GTF2I: variants seen among roughly 807,000 people sequenced by gnomAD.
The protein encoded by GTF2I is general transcription factor II-I.
GTF2I carries 12 observed loss-of-function variants against 67.6 expected under a neutral mutation model. The ratio of observed to expected loss-of-function variants is 0.18; its 90% CI spans 0.11 to 0.29. GTF2I has a LOEUF of 0.29. Ranked by LOEUF, GTF2I falls within the 10% of genes least tolerant of loss-of-function variation. GTF2I has a pLI of 1.00. For missense variants in GTF2I, 271 were observed against 580.1 expected (o/e 0.47, Z 5.47); for synonymous variants, 149 against 197.0 (o/e 0.76, Z 2.04).
intron 1 of GTF2I, among the ~76,000 whole-genome samples, chr7:74,687,099 C>T (rs1554395703): frequency 3.9e-5 from 6 of 152,022 alleles, no homozygotes; most frequent in Non-Finnish European, 7.4e-5. Flanking sequence ...CCACATTGCC[C>T]AGGATGGTCT....
chr7:74,727,924 CTG>C (rs1239084623), intron 12 of GTF2I: 4 of 152,286 alleles, frequency 2.6e-5, no homozygotes, highest in Admixed American at 6.5e-5. Flanking sequence ...TACACAGCCT[CTG>C]TGCTGACTGA....
intron 1 of GTF2I, chr7:74,688,803 C>T (rs964446564): frequency 7.1e-5 from 18 of 251,964 alleles, no homozygotes; most frequent in Middle Eastern, 1.5e-3. Context: ...TGTGGTTGCC[C>T]GTCACTGGGC....
Position 74,667,718 on chromosome 7 carries a change from A to G in GTF2I, c.-6+9650A>G, listed in dbSNP as rs587600987. On this transcript the variant is annotated intron_variant, in intron 1 of 34. Coordinates refer to ENST00000573035, the MANE Select transcript of GTF2I (RefSeq NM_032999.4). ...TTTTTGTGGAGATGGGGGTCTCACT[A>G]TGTTGCCCAGGCTGGTCTCCAACTC... 5.7e-4 allele frequency among the ~76,000 whole-genome samples: 85 copies of G among 150,340 alleles called. 1 individual carries two copies. Among genetic ancestry groups the G allele is most frequent in the Non-Finnish European group, 1.2e-3 (78 of 67,694 alleles).
At chr7:74,674,034 T>G (rs781799732) in intron 1 of GTF2I, among the ~76,000 whole-genome samples, 1 of 150,416 alleles carries the variant, frequency 6.6e-6, no homozygotes, top group Non-Finnish European at 1.5e-5. Flanking sequence ...GCAGGTAAAA[T>G]GTACAACTAA....
intron 9 of GTF2I, among the ~76,000 whole-genome samples, chr7:74,711,949 CTTTTT>C (rs587731254): frequency 7.5e-6 from 1 of 134,132 alleles, no homozygotes. Context: ...TCATTTCTCT[CTTTTT>C]TTTTTTTTTT....
chr7:74,733,622 C>A (rs1794664661), intron 15 of GTF2I: 1 of 143,244 alleles, frequency 7.0e-6, no homozygotes, highest in Non-Finnish European at 1.5e-5. Flanking sequence ...AAAAATTGAC[C>A]AGGTGTGGTG....
intron 3 of GTF2I, among the ~76,000 whole-genome samples, 155 bp downstream of exon 3, chr7:74,691,266 G>A (rs1468636415): frequency 6.6e-6 from 1 of 150,692 alleles, no homozygotes; most frequent in African/African-American, 2.4e-5. Context: ...GAGTGCAGTG[G>A]CACACTCTTG....
intron 6 of GTF2I, among the ~76,000 whole-genome samples, chr7:74,702,189 G>T (rs1246044286): frequency 1.3e-5 from 2 of 152,048 alleles, no homozygotes; most frequent in Non-Finnish European, 2.9e-5. Context: ...ATTTACGTAG[G>T]AGTGCAATTA....
At chr7:74,720,530 C>T (rs184378883) in intron 12 of GTF2I, among the ~76,000 whole-genome samples, 152,126 of 152,300 alleles carry the variant, frequency 1, 75,977 homozygotes, top group East Asian at 1. Context: ...GTTTACAGTC[C>T]AGCATTAAAT....
chr7:74,682,577 T>G (rs1256029068), intron 1 of GTF2I, among the ~76,000 whole-genome samples: 2 of 152,158 alleles, frequency 1.3e-5, no homozygotes, highest in Non-Finnish European at 2.9e-5. Flanking sequence ...TCTAGGCAGG[T>G]GTTGTCTCTT....
Position 74,714,737 on chromosome 7 carries a change from T to C in GTF2I, c.764-120T>C, listed in dbSNP as rs1792041860. On this transcript the variant is annotated intron_variant, in intron 9 of 34. Coordinates refer to ENST00000573035, the MANE Select transcript of GTF2I (RefSeq NM_032999.4). ...TGTCAGTCTTTTTTTTTTTTAATTT[T>C]TTTCTTTTTATTTATAAAAAGGCCA... is the stretch of plus-strand genomic sequence containing the variant. 1.9e-5 allele frequency: 11 copies of C among 580,350 alleles called. No individual in the cohort carries two copies. In the South Asian group the frequency reaches 2.6e-4, roughly 14 times the overall value. The allele number at this position is 580,350 out of a possible 1,614,324, so 36.0% of individuals were successfully genotyped here.
chr7:74,669,550 T>G (rs1431671011), intron 1 of GTF2I, among the ~76,000 whole-genome samples: 1 of 151,584 alleles, frequency 6.6e-6, no homozygotes, highest in Non-Finnish European at 1.5e-5. Flanking sequence ...CTTTTTTTTT[T>G]TTTGAGACAG....
At chr7:74,717,128 G>A in intron 11 of GTF2I, 178 bp downstream of exon 11, 2 of 724,592 alleles carry the variant, frequency 2.8e-6, no homozygotes, top group Non-Finnish European at 4.1e-6. Flanking sequence ...ATACTTCTTT[G>A]ACCATACTGA....
intron 1 of GTF2I, among the ~76,000 whole-genome samples, chr7:74,678,218 C>CTTTT (rs66564149): frequency 8.4e-6 from 1 of 119,566 alleles, no homozygotes; most frequent in African/African-American, 3.1e-5. Context: ...CTGAGCCCGG[C>CTTTT]TTTTTTTTTT....
At chr7:74,685,659 C>T (rs909323582) in intron 1 of GTF2I, among the ~76,000 whole-genome samples, 3 of 151,736 alleles carry the variant, frequency 2.0e-5, no homozygotes, top group Admixed American at 1.3e-4. Flanking sequence ...CCCAGGTACT[C>T]GCGAGGCTGA....
chr7:74,670,629 G>T (rs1176212945), intron 1 of GTF2I, among the ~76,000 whole-genome samples: 1 of 150,596 alleles, frequency 6.6e-6, no homozygotes, highest in Non-Finnish European at 1.5e-5. Flanking sequence ...GACGGAGGTT[G>T]CAGTGAGCTG....
intron 6 of GTF2I, among the ~76,000 whole-genome samples, chr7:74,700,928 C>T (rs2259964): frequency 0.18 from 27,145 of 152,182 alleles, 4,586 homozygotes; most frequent in African/African-American, 0.45. Context: ...CTCGGCAAGA[C>T]GTTGTTGGGC....
chr7:74,689,047 G>T (rs782007920), intron 1 of GTF2I, 77 bp from the exon 2 acceptor site: 2 of 789,170 alleles, frequency 2.5e-6, no homozygotes, highest in Non-Finnish European at 4.4e-6. Context: ...AGCCGGTGAG[G>T]GGCCCTCACA....
At position 74,700,229 on chromosome 7, in the gene GTF2I, G is replaced by A. The variant is rs1038690408; in HGVS notation, c.374-18G>A. 2.5e-6 allele frequency: 4 copies of A among 1,610,192 alleles called. No homozygotes were observed. Among genetic ancestry groups the A allele is most frequent in the African/African-American group, 1.3e-5 (1 of 74,810 alleles). On this transcript the variant is annotated intron_variant, in intron 4 of 34. Coordinates refer to ENST00000573035, the MANE Select transcript of GTF2I (RefSeq NM_032999.4). Reference sequence around the variant, plus strand: ...TCTTACCATTGAATGATGTTCATCCGCTTTTCATCTGCCCCAGGGAAAGCT... The same window carrying A: ...TCTTACCATTGAATGATGTTCATCCACTTTTCATCTGCCCCAGGGAAAGCT...
Sources: gnomAD v4.1 joint callset for allele counts (sites outside exome capture counted in the v4.1 genomes callset) on GRCh38, gnomAD v4.1.1 for gene constraint, MANE v1.5 for transcripts, NCBI Gene and HGNC (gene_info 2026-07-23, HGNC 2026-07-21) for gene names.